The following CREB5 variants were observed in gnomAD, a reference collection of about 807,000 sequenced individuals.
The protein encoded by CREB5 is cAMP responsive element binding protein 5.
CREB5 carries 19 observed loss-of-function variants against 57.1 expected under a neutral mutation model. The observed-to-expected ratio is 0.33, with a 90% CI of 0.23 to 0.49. CREB5 has a LOEUF of 0.49. Among genes scored for constraint, CREB5 ranks in the 20% least tolerant of loss-of-function variants. The pLI is 0.99. For missense variants in CREB5, 579 were observed against 671.6 expected (o/e 0.86, Z 1.52); for synonymous variants, 238 against 238.3 (o/e 1.00, Z 0.01).
At chr7:28,504,191 TA>T (rs146176892) in intron 3 of CREB5, among the ~76,000 whole-genome samples, 3,821 of 152,106 alleles carry the variant, frequency 0.025, 125 homozygotes, top group East Asian at 0.15. Flanking sequence ...GTGCAGATGT[TA>T]AAAAAAGGGG....
intron 1 of CREB5, among the ~76,000 whole-genome samples, chr7:28,341,340 A>C (rs1785933333): frequency 6.6e-6 from 1 of 152,112 alleles, no homozygotes; most frequent in African/African-American, 2.4e-5. Context: ...CATCATTTCA[A>C]CTCACTGAGA....
At chr7:28,730,337 G>A (rs35362661) in intron 7 of CREB5, among the ~76,000 whole-genome samples, 24,591 of 149,824 alleles carry the variant, frequency 0.16, 2,535 homozygotes, top group Middle Eastern at 0.24. Context: ...CTGCAGATGC[G>A]CCACCACACC....
chr7:28,368,883 C>T (rs1786643250), intron 1 of CREB5, among the ~76,000 whole-genome samples: 1 of 152,094 alleles, frequency 6.6e-6, no homozygotes, highest in South Asian at 2.1e-4. Flanking sequence ...CCTCTTTCTA[C>T]AAAAAGTGAA....
At chr7:28,625,106 A>G (rs1222296394) in intron 5 of CREB5, among the ~76,000 whole-genome samples, 1 of 151,644 alleles carries the variant, frequency 6.6e-6, no homozygotes, top group East Asian at 1.9e-4. Flanking sequence ...GGCAGAAACT[A>G]TTATTAACCC....
chr7:28,359,634 A>AG (rs35729207), intron 1 of CREB5, among the ~76,000 whole-genome samples: 140,211 of 152,230 alleles, frequency 0.92, 64,925 homozygotes, highest in Non-Finnish European at 0.97. Context: ...AAAACATAGC[A>AG]GGAAAACCAC....
intron 5 of CREB5, among the ~76,000 whole-genome samples, chr7:28,669,589 C>T (rs1007039440): frequency 1.3e-5 from 2 of 151,134 alleles, no homozygotes; most frequent in Non-Finnish European, 2.9e-5. Flanking sequence ...TTCTGAAAAT[C>T]GGAAGTTATT....
chr7:28,477,454 G>T (rs4719936), intron 1 of CREB5, among the ~76,000 whole-genome samples: 26,095 of 152,220 alleles, frequency 0.17, 2,339 homozygotes, highest in South Asian at 0.27. Context: ...TCATGCGTAG[G>T]AAGGGCTCCT....
At chr7:28,491,425 AG>A (rs34648642) in intron 2 of CREB5, among the ~76,000 whole-genome samples, 29,864 of 152,016 alleles carry the variant, frequency 0.2, 3,173 homozygotes, top group South Asian at 0.28. Context: ...TTAAGGTTGA[AG>A]GGAGTCCATT....
intron 4 of CREB5, among the ~76,000 whole-genome samples, chr7:28,562,567 G>T (rs1280272559): frequency 6.6e-6 from 1 of 152,176 alleles, no homozygotes; most frequent in African/African-American, 2.4e-5. Context: ...TCTGGCAATG[G>T]GTGAGGGGGC....
intron 1 of CREB5, among the ~76,000 whole-genome samples, chr7:28,379,966 T>G (rs1786934416): frequency 6.6e-6 from 1 of 152,200 alleles, no homozygotes; most frequent in African/African-American, 2.4e-5. Flanking sequence ...CATAGCTCAC[T>G]GCAGCCTCAA....
chr7:28,346,636 C>A (rs1288923545), intron 1 of CREB5, among the ~76,000 whole-genome samples: 3 of 152,186 alleles, frequency 2.0e-5, no homozygotes, highest in Non-Finnish European at 4.4e-5. Context: ...GGAATCAGGC[C>A]TTTGTACCCC....
At chr7:28,705,050 G>A (rs1284317747) in intron 5 of CREB5, among the ~76,000 whole-genome samples, 1 of 152,146 alleles carries the variant, frequency 6.6e-6, no homozygotes, top group Non-Finnish European at 1.5e-5. Flanking sequence ...TTTCTGTTCT[G>A]GTCAGGAATC....
At chr7:28,473,900 G>A (rs1015300052) in intron 1 of CREB5, among the ~76,000 whole-genome samples, 1 of 152,218 alleles carries the variant, frequency 6.6e-6, no homozygotes, top group African/African-American at 2.4e-5. Context: ...TCTAGCGAGT[G>A]TTTTAGGGTG....
intron 7 of CREB5, chr7:28,749,439 T>C (rs1156996071): frequency 1.3e-5 from 2 of 152,194 alleles, no homozygotes; most frequent in African/African-American, 4.8e-5. Flanking sequence ...GCAAACCCAT[T>C]GAGTGGCACC....
intron 1 of CREB5, among the ~76,000 whole-genome samples, chr7:28,331,320 G>A (rs1425747028): frequency 3.9e-5 from 6 of 151,962 alleles, no homozygotes; most frequent in South Asian, 2.1e-4. Flanking sequence ...TTAAGGAGCC[G>A]TTTTAGAATT....
chr7:28,679,600 C>T (rs904229066), intron 5 of CREB5, among the ~76,000 whole-genome samples: 7 of 152,184 alleles, frequency 4.6e-5, no homozygotes, highest in African/African-American at 1.7e-4. Flanking sequence ...CTGTTCTTCT[C>T]TGCCTCTACT....
At chr7:28,814,875 ATGGATAAACAAGAAGC>A in intron 9 of CREB5, among the ~76,000 whole-genome samples, 1 of 152,306 alleles carries the variant, frequency 6.6e-6, no homozygotes. Flanking sequence ...TTATATGTAT[ATGGATAAACAAGAAGC>A]TGATTGCCCT....
chr7:28,570,125 AG>A (rs1795637146), intron 4 of CREB5, among the ~76,000 whole-genome samples: 2 of 152,244 alleles, frequency 1.3e-5, no homozygotes, highest in Non-Finnish European at 2.9e-5. Flanking sequence ...GGATGGCAGC[AG>A]AGTGGTAAGG....
Position 28,737,584 on chromosome 7 carries a change from T to TATATATATATAA in CREB5, c.702+13256_702+13257insATATATAAATAT, listed in dbSNP as rs1562606948. Among the ~76,000 whole-genome samples the TATATATATATAA allele has an allele frequency of 8.7e-4, 24 of 27,556 alleles. 1 individual carries two copies. Among genetic ancestry groups the TATATATATATAA allele is most frequent in the African/African-American group, 2.5e-3 (22 of 8,732 alleles). 18.1% of individuals were successfully genotyped at this position (27,556 alleles called of 152,430 possible). A position where few individuals can be genotyped will look rare whatever the true frequency, so the allele number is the denominator to read the frequency against. On this transcript the variant is annotated intron_variant, in intron 7 of 10. Coordinates refer to ENST00000357727, the MANE Select transcript of CREB5 (RefSeq NM_182898.4). ...ATATATATATATATATATATATATA[T>TATATATATATAA]ATATTTTTAACTCCTGTTTCAAAGG...
Sources: allele counts gnomAD v4.1 joint callset (sites outside exome capture counted in the v4.1 genomes callset), GRCh38; gene constraint gnomAD v4.1.1; transcripts MANE v1.5; gene names NCBI Gene and HGNC (gene_info 2026-07-23, HGNC 2026-07-21).